RDX: variants seen among roughly 807,000 people sequenced by gnomAD.
The protein encoded by RDX is radixin, also known as deafness, autosomal recessive 24.
Under a neutral mutation model 83.7 loss-of-function variants are expected in RDX, and 32 were observed. That is an observed-to-expected ratio of 0.38 (90% CI 0.29 to 0.51). RDX has a LOEUF of 0.51. Among genes scored for constraint, RDX ranks in the 20% least tolerant of loss-of-function variants. The pLI, the probability that RDX is intolerant of heterozygous loss-of-function variation, is 0.87. For missense variants in RDX, 600 were observed against 689.9 expected, an observed-to-expected ratio of 0.87 and a Z score of 1.46; for synonymous variants, 229 against 222.7, an observed-to-expected ratio of 1.03 and a Z score of -0.25.
At chr11:110,181,129 T>C (rs1331905418) in intron 15 of RDX, among the ~76,000 whole-genome samples, 1 of 150,312 alleles carries the variant, frequency 6.7e-6, no homozygotes, top group Non-Finnish European at 1.5e-5. Flanking sequence ...GGACCCAGGC[T>C]ACACACACAC....
chr11:110,256,487 T>C (rs193010672), intron 7 of RDX, among the ~76,000 whole-genome samples: 1 of 152,332 alleles, frequency 6.6e-6, no homozygotes, highest in East Asian at 1.9e-4. Context: ...ATAATTCTCA[T>C]AACACTCTTG....
chr11:110,218,128 G>C (rs1864121757), intron 14 of RDX, among the ~76,000 whole-genome samples: 1 of 152,144 alleles, frequency 6.6e-6, no homozygotes, highest in Non-Finnish European at 1.5e-5. Context: ...GTATGGAGTG[G>C]GGCTCATGCC....
intron 3 of RDX, among the ~76,000 whole-genome samples, chr11:110,267,036 C>T (rs1393847116): frequency 1.3e-5 from 2 of 151,762 alleles, no homozygotes; most frequent in Non-Finnish European, 2.9e-5. Flanking sequence ...CCGAGTAGCT[C>T]GGACCACAGG....
intron 9 of RDX, among the ~76,000 whole-genome samples, chr11:110,249,690 C>A (rs368407748): frequency 6.6e-6 from 1 of 152,056 alleles, no homozygotes; most frequent in Non-Finnish European, 1.5e-5. Flanking sequence ...GGCAACATAG[C>A]GAGACCTCAT....
At chr11:110,291,252 G>C (rs1861230146) in intron 1 of RDX, among the ~76,000 whole-genome samples, 1 of 152,134 alleles carries the variant, frequency 6.6e-6, no homozygotes, top group African/African-American at 2.4e-5. Context: ...CTGAGCCCCG[G>C]AGTTCAAAGC....
intron 15 of RDX, among the ~76,000 whole-genome samples, chr11:110,177,644 T>C (rs1005431720): frequency 6.6e-6 from 1 of 151,992 alleles, no homozygotes; most frequent in African/African-American, 2.4e-5. Flanking sequence ...AGCTCTTTTG[T>C]GTGTATGTGT....
chr11:110,243,543 C>A (rs1310503967), intron 10 of RDX, among the ~76,000 whole-genome samples: 1 of 152,068 alleles, frequency 6.6e-6, no homozygotes, highest in African/African-American at 2.4e-5. Context: ...AAGTATATAA[C>A]CCTGTCTCTA....
chr11:110,184,403 G>T (rs1384294206), intron 15 of RDX, among the ~76,000 whole-genome samples: 1 of 152,218 alleles, frequency 6.6e-6, no homozygotes, highest in Non-Finnish European at 1.5e-5. Flanking sequence ...GTTCCTCCTG[G>T]TGTAGGGAAA....
chr11:110,211,642 C>T (rs1474995992), intron 14 of RDX, among the ~76,000 whole-genome samples: 1 of 146,400 alleles, frequency 6.8e-6, no homozygotes, highest in Non-Finnish European at 1.5e-5. Context: ...ATCTCTCAGA[C>T]CACAGTGCAA....
At chr11:110,203,861 A>G (rs1307319450) in intron 14 of RDX, among the ~76,000 whole-genome samples, 2 of 152,146 alleles carry the variant, frequency 1.3e-5, no homozygotes, top group African/African-American at 4.8e-5. Flanking sequence ...ATGTAAAAGG[A>G]AGTTTCATAA....
intron 14 of RDX, among the ~76,000 whole-genome samples, chr11:110,220,695 A>G (rs1034752050): frequency 6.6e-6 from 1 of 152,010 alleles, no homozygotes; most frequent in African/African-American, 2.4e-5. Context: ...GCAGGGTTCC[A>G]CCATGTTGGC....
At chr11:110,266,929 C>G (rs1306737511) in intron 3 of RDX, among the ~76,000 whole-genome samples, 1 of 151,982 alleles carries the variant, frequency 6.6e-6, no homozygotes, top group Admixed American at 6.6e-5. Context: ...GACGGGGTCT[C>G]ACTCTGTCAC....
chr11:110,285,133 A>T (rs1212250963), intron 1 of RDX, among the ~76,000 whole-genome samples: 1 of 152,144 alleles, frequency 6.6e-6, no homozygotes, highest in Non-Finnish European at 1.5e-5. Context: ...TCATGCCTGT[A>T]ATCTCAGTAC....
rs1476500550 is a variant in RDX at position 110,257,891 on chromosome 11, G to A, written c.574C>T (p.Leu192=). The A allele has an allele frequency of 6.2e-6, 10 of 1,611,746 alleles. No individual in the cohort carries two copies. Among genetic ancestry groups the A allele is most frequent in the Non-Finnish European group, 8.5e-6 (10 of 1,178,336 alleles). The change falls in exon 7 of 14, where the codon CTG becomes TTG. Residue 192 remains leucine, a synonymous_variant. Coordinates refer to ENST00000645495, the MANE Select transcript of RDX (RefSeq NM_002906.4). ...MLREDSMMEY[L]KIAQDLEMYG... is the part of the protein sequence containing the mutation. ...ATTTCTAGATCTTGTGCAATCTTCA[G>A]GTATTCCATCATAGAATCCTCCCTG...
intron 13 of RDX, 113 bp from the exon 14 acceptor site, chr11:110,232,146 C>T (rs1864663929): frequency 2.0e-5 from 17 of 865,582 alleles, no homozygotes; most frequent in Middle Eastern, 3.3e-4. Flanking sequence ...CACTGTGAAA[C>T]CTTTTTCTTT....
At chr11:110,224,719 T>C (rs1336889027), downstream of RDX, among the ~76,000 whole-genome samples, 1 of 152,194 alleles carries the variant, frequency 6.6e-6, no homozygotes, top group Non-Finnish European at 1.5e-5. Flanking sequence ...GAAAATACAT[T>C]ACCACAAACA....
chr11:110,273,890 A>C (rs1272859458), intron 2 of RDX, among the ~76,000 whole-genome samples: 1 of 152,162 alleles, frequency 6.6e-6, no homozygotes, highest in Non-Finnish European at 1.5e-5. Context: ...TTAAAATTTT[A>C]TATTAATACG....
At chr11:110,244,653 T>C (rs1455034971) in intron 10 of RDX, among the ~76,000 whole-genome samples, 1 of 152,170 alleles carries the variant, frequency 6.6e-6, no homozygotes, top group Admixed American at 6.5e-5. Context: ...ATGATAGCTG[T>C]ACAACTTTGT....
At chr11:110,179,407 T>C (rs1161806104) in intron 15 of RDX, among the ~76,000 whole-genome samples, 2 of 152,198 alleles carry the variant, frequency 1.3e-5, no homozygotes, top group Non-Finnish European at 2.9e-5. Flanking sequence ...CTCTAGGATG[T>C]TAAGGCCCCA....
Sources: gnomAD v4.1 joint callset for allele counts (sites outside exome capture counted in the v4.1 genomes callset) on GRCh38, gnomAD v4.1.1 for gene constraint, MANE v1.5 for transcripts, NCBI Gene and HGNC (gene_info 2026-07-23, HGNC 2026-07-21) for gene names.